Variants in ZNF804B observed in about 807,000 individuals in gnomAD.
The protein encoded by ZNF804B is zinc finger 804B.
In ZNF804B, 80 loss-of-function variants were observed where a neutral mutation model predicts 101.4. That is an observed-to-expected ratio of 0.79 (90% CI 0.66 to 0.95). The LOEUF (loss-of-function observed/expected upper bound fraction) is 0.95. ZNF804B is among the 40% of genes least tolerant of loss of function. ZNF804B has a pLI of 0.00. For missense variants in ZNF804B, 1,673 were observed against 1,561.9 expected (o/e 1.07, Z -1.20); for synonymous variants, 622 against 558.8 (o/e 1.11, Z -1.59).
chr7:89,321,307 C>T (rs1203081397), intron 2 of ZNF804B, among the ~76,000 whole-genome samples: 1 of 151,946 alleles, frequency 6.6e-6, no homozygotes, highest in Non-Finnish European at 1.5e-5. Context: ...GATGAAACCC[C>T]GTCTCTACTA....
intron 1 of ZNF804B, among the ~76,000 whole-genome samples, chr7:88,846,381 G>T (rs968056068): frequency 6.6e-6 from 1 of 152,162 alleles, no homozygotes; most frequent in African/African-American, 2.4e-5. Context: ...TAGCTTTCTG[G>T]AAGTTTATAG....
intron 1 of ZNF804B, among the ~76,000 whole-genome samples, chr7:88,793,254 T>C (rs1391322223): frequency 2.0e-5 from 3 of 152,050 alleles, no homozygotes; most frequent in African/African-American, 4.8e-5. Context: ...CAACTTGAAA[T>C]TGGTCACATA....
chr7:88,962,081 G>A (rs866900115), intron 1 of ZNF804B, among the ~76,000 whole-genome samples: 4 of 151,274 alleles, frequency 2.6e-5, no homozygotes, highest in Middle Eastern at 3.4e-3. Flanking sequence ...TTGTCAAAAT[G>A]GTATTCGACT....
intron 1 of ZNF804B, among the ~76,000 whole-genome samples, chr7:89,092,408 G>GTTTTTTTTTTTT (rs71120056): frequency 3.2e-5 from 3 of 93,824 alleles, no homozygotes; most frequent in African/African-American, 8.3e-5. Context: ...TTTCTTTTCT[G>GTTTTTTTTTTTT]TTTTTTTTTT....
chr7:89,104,192 T>C (rs1790100850), intron 1 of ZNF804B, among the ~76,000 whole-genome samples: 2 of 152,012 alleles, frequency 1.3e-5, no homozygotes, highest in South Asian at 4.1e-4. Context: ...TGTAGTTGTC[T>C]TTTTTTGTTG....
At chr7:88,867,472 T>A (rs1463187194) in intron 1 of ZNF804B, among the ~76,000 whole-genome samples, 1 of 152,196 alleles carries the variant, frequency 6.6e-6, no homozygotes, top group Admixed American at 6.5e-5. Flanking sequence ...AATTTGCCTT[T>A]TCTCTGCGTC....
At chr7:88,991,068 G>A (rs117299663) in intron 1 of ZNF804B, among the ~76,000 whole-genome samples, 1 of 152,074 alleles carries the variant, frequency 6.6e-6, no homozygotes, top group Non-Finnish European at 1.5e-5. Flanking sequence ...ACTATACTGG[G>A]TGAAGTCAAA....
intron 1 of ZNF804B, among the ~76,000 whole-genome samples, chr7:88,813,449 A>G (rs1347314397): frequency 6.6e-6 from 1 of 151,706 alleles, no homozygotes; most frequent in Non-Finnish European, 1.5e-5. Context: ...GAAAAGAAAA[A>G]AATGTTTAAT....
intron 1 of ZNF804B, among the ~76,000 whole-genome samples, chr7:88,889,885 T>A (rs2115927479): frequency 6.6e-6 from 1 of 152,296 alleles, no homozygotes; most frequent in African/African-American, 2.4e-5. Flanking sequence ...CTAGCTTTTC[T>A]TCTAGGATTT....
At chr7:89,310,970 A>ATT (rs59813307) in intron 2 of ZNF804B, among the ~76,000 whole-genome samples, 13 of 149,802 alleles carry the variant, frequency 8.7e-5, no homozygotes, top group Non-Finnish European at 1.8e-4. Context: ...TTCTCTTAAG[A>ATT]TTTTTTTTTT....
intron 1 of ZNF804B, among the ~76,000 whole-genome samples, chr7:89,112,071 G>A (rs67495611): frequency 0.099 from 14,011 of 142,084 alleles, 723 homozygotes; most frequent in Middle Eastern, 0.16. Flanking sequence ...ATGCCACTGC[G>A]CTCCAGCCTA....
At chr7:88,810,161 A>T (rs762414229) in intron 1 of ZNF804B, among the ~76,000 whole-genome samples, 1 of 152,060 alleles carries the variant, frequency 6.6e-6, no homozygotes, top group Non-Finnish European at 1.5e-5. Context: ...AGTTTTAGTT[A>T]ACAGGTATCC....
At chr7:89,224,017 G>C (rs1789043428) in intron 2 of ZNF804B, among the ~76,000 whole-genome samples, 1 of 151,906 alleles carries the variant, frequency 6.6e-6, no homozygotes, top group Non-Finnish European at 1.5e-5. Flanking sequence ...CTACCTAGAA[G>C]TCATAATCCC....
At chr7:89,145,335 G>A (rs1030588857) in intron 1 of ZNF804B, among the ~76,000 whole-genome samples, 2 of 151,908 alleles carry the variant, frequency 1.3e-5, no homozygotes, top group African/African-American at 4.8e-5. Context: ...TAGAACCATA[G>A]CTATTTCTTG....
intron 1 of ZNF804B, among the ~76,000 whole-genome samples, chr7:89,156,024 C>CT (rs1562899672): frequency 3.3e-4 from 10 of 30,712 alleles, no homozygotes; most frequent in Non-Finnish European, 6.4e-4. Flanking sequence ...TCTTTCCTTT[C>CT]TTTCTTTCTT....
chr7:89,216,664 G>A (rs1476493189), intron 1 of ZNF804B, among the ~76,000 whole-genome samples: 2 of 152,080 alleles, frequency 1.3e-5, no homozygotes, highest in African/African-American at 4.8e-5. Flanking sequence ...TTTGCCATGT[G>A]TTTTACCCTC....
At chr7:88,960,667 G>A (rs1793375541) in intron 1 of ZNF804B, among the ~76,000 whole-genome samples, 1 of 151,096 alleles carries the variant, frequency 6.6e-6, no homozygotes, top group African/African-American at 2.4e-5. Flanking sequence ...TAAGTTAATA[G>A]TTTCTTCTAT....
At position 88,909,312 on chromosome 7, in the gene ZNF804B, A is replaced by G. The variant is rs116380604; in HGVS notation, c.108+149228A>G. On this transcript the variant is annotated intron_variant, in intron 1 of 3. Coordinates refer to ENST00000333190, the MANE Select transcript of ZNF804B (RefSeq NM_181646.5). Reference sequence around the variant, plus strand: ...AACAAAGGTGAAGAATACTGTTTCTATGACACTTGTAGGTGCCTATATTCC... The same window carrying G: ...AACAAAGGTGAAGAATACTGTTTCTGTGACACTTGTAGGTGCCTATATTCC... Among the ~76,000 whole-genome samples the G allele has an allele frequency of 4.8e-3, 732 of 151,958 alleles. 6 individuals carry two copies. The highest frequency in any genetic ancestry group is 0.017 in the African/African-American group (705 of 41,536).
chr7:88,826,002 C>A (rs1791046179), intron 1 of ZNF804B, among the ~76,000 whole-genome samples: 1 of 152,118 alleles, frequency 6.6e-6, no homozygotes, highest in African/African-American at 2.4e-5. Flanking sequence ...GTGAATAACT[C>A]CTTTTGCTTT....
Sources: gnomAD v4.1 joint callset for allele counts (sites outside exome capture counted in the v4.1 genomes callset) on GRCh38, gnomAD v4.1.1 for gene constraint, MANE v1.5 for transcripts, NCBI Gene and HGNC (gene_info 2026-07-23, HGNC 2026-07-21) for gene names.